Variants in CHD9 observed in about 807,000 individuals in gnomAD.
The protein encoded by CHD9 is chromodomain helicase DNA binding protein 9, also known as ATP-dependent chromatin remodeler CHD9.
In CHD9, 77 loss-of-function variants were observed where a neutral mutation model predicts 316.1. That is an observed-to-expected ratio of 0.24 (90% CI 0.20 to 0.29). The LOEUF (loss-of-function observed/expected upper bound fraction) is 0.29. Ranked by LOEUF, CHD9 falls within the 10% of genes least tolerant of loss-of-function variation. The probability of loss-of-function intolerance (pLI) is 1.00; values close to 1 mark genes in which losing one functional copy is unlikely to be tolerated. For synonymous variants in CHD9, 1,129 were observed against 1,158.3 expected, an observed-to-expected ratio of 0.97 and a Z score of 0.51; for missense variants, 2,763 against 3,438.1, an observed-to-expected ratio of 0.80 and a Z score of 4.91.
chr16:53,202,766 C>T (rs62048049), intron 2 of CHD9, among the ~76,000 whole-genome samples: 17,962 of 151,618 alleles, frequency 0.12, 1,562 homozygotes, highest in Non-Finnish European at 0.18. Context: ...AAGATTATGA[C>T]ACTTAAAAAA....
At chr16:53,130,797 CGCGGCTGGAGCCGCGGCAGGA>C (rs2039208289) in intron 1 of CHD9, 1 of 151,860 alleles carries the variant, frequency 6.6e-6, no homozygotes, top group Admixed American at 6.6e-5. Context: ...GGCAGCCCGA[CGCGGCTGGAGCCGCGGCAGGA>C]GCGGCGGCGG....
intron 2 of CHD9, among the ~76,000 whole-genome samples, chr16:53,178,885 C>T (rs1472565897): frequency 6.6e-6 from 1 of 152,158 alleles, no homozygotes; most frequent in African/African-American, 2.4e-5. Context: ...TACTGGCGCA[C>T]ACCTGTAGTC....
Position 53,291,745 on chromosome 16 carries a change from A to G in CHD9, c.5268A>G (p.Gly1756=), listed in dbSNP as rs1410089110. 3 of 1,564,868 alleles carry G rather than the reference A, an allele frequency of 1.9e-6. No individual in the cohort carries two copies. The highest frequency in any genetic ancestry group is 2.6e-6 in the Non-Finnish European group (3 of 1,162,390). ...AAAAGGATGATGTTTCCTCACCAGG[A>G]GATCTTGTTATAGCAGATGGAGGTA... The part of the protein sequence containing the change: ...DDIEDDVSSP[G]DLVIADGDGQ... Residue 1756 remains glycine (G), a synonymous_variant, in exon 28 of 39, where the codon GGA becomes GGG. Transcript: ENST00000447540.
chr16:53,202,977 C>T (rs2045587266), intron 2 of CHD9, among the ~76,000 whole-genome samples: 2 of 152,018 alleles, frequency 1.3e-5, no homozygotes, highest in Admixed American at 1.3e-4. Context: ...TTATAATTTG[C>T]TCTTGGATCA....
At chr16:53,233,905 T>G (rs1185465349) in intron 10 of CHD9, among the ~76,000 whole-genome samples, 1 of 152,208 alleles carries the variant, frequency 6.6e-6, no homozygotes, top group African/African-American at 2.4e-5. Flanking sequence ...GACCTTTTGC[T>G]TGTTTCTCAG....
intron 17 of CHD9, chr16:53,250,767 AATT>A (rs1307731080): frequency 1.3e-5 from 2 of 152,068 alleles, no homozygotes; most frequent in African/African-American, 4.8e-5. Context: ...ATATAAGAGA[AATT>A]ATTTTATTAT....
intron 1 of CHD9, among the ~76,000 whole-genome samples, chr16:53,123,882 T>A (rs2038857069): frequency 1.3e-5 from 2 of 152,208 alleles, no homozygotes; most frequent in Non-Finnish European, 1.5e-5. Flanking sequence ...CTGGCTTTTA[T>A]CACTTAGCAT....
chr16:53,215,832 C>T (rs2046714690), intron 3 of CHD9, among the ~76,000 whole-genome samples: 1 of 152,118 alleles, frequency 6.6e-6, no homozygotes, highest in Non-Finnish European at 1.5e-5. Context: ...GCATAAATTA[C>T]ATCTGAAAAT....
intron 24 of CHD9, among the ~76,000 whole-genome samples, chr16:53,278,582 T>A (rs908853980): frequency 1.8e-4 from 27 of 152,244 alleles, no homozygotes; most frequent in Non-Finnish European, 4.0e-4. Flanking sequence ...GATCCTCTTT[T>A]CTCACCTTAT....
At chr16:53,273,221 A>G (rs1461199253) in intron 22 of CHD9, among the ~76,000 whole-genome samples, 1 of 152,250 alleles carries the variant, frequency 6.6e-6, no homozygotes. Context: ...GAGTTTAGCT[A>G]TCTTGAAGAG....
intron 3 of CHD9, among the ~76,000 whole-genome samples, chr16:53,211,032 A>C (rs1019522527): frequency 6.6e-6 from 1 of 152,050 alleles, no homozygotes; most frequent in Non-Finnish European, 1.5e-5. Context: ...TAATTCAGGA[A>C]ATCCCATATT....
intron 2 of CHD9, among the ~76,000 whole-genome samples, chr16:53,196,966 G>A (rs932320382): frequency 6.6e-6 from 1 of 152,172 alleles, no homozygotes; most frequent in Non-Finnish European, 1.5e-5. Flanking sequence ...TCAAAGGTAG[G>A]TAGGCAAGAA....
chr16:53,269,519 C>T (rs2052024145), intron 22 of CHD9, among the ~76,000 whole-genome samples: 1 of 152,098 alleles, frequency 6.6e-6, no homozygotes, highest in Admixed American at 6.5e-5. Flanking sequence ...AGATGGAAAA[C>T]AACAGAAAGC....
chr16:53,262,806 GT>G (rs1264126295), intron 19 of CHD9, among the ~76,000 whole-genome samples, 180 bp from the exon 20 acceptor site: 1 of 152,170 alleles, frequency 6.6e-6, no homozygotes, highest in East Asian at 1.9e-4. Context: ...TTCAGCCTGT[GT>G]TTGCATTAAG....
At position 53,063,125 on chromosome 16, in the gene CHD9, C is replaced by A. The variant is rs943826457; in HGVS notation, c.-165+8048C>A. Among the ~76,000 whole-genome samples, 5 of 152,268 alleles carry A rather than the reference C, an allele frequency of 3.3e-5. No individual in the cohort carries two copies. In the East Asian group the frequency reaches 7.7e-4, roughly 23 times the overall value. ...ACTAAGTGCTGGATGCTCTTCTAAG[C>A]ACTTTCCATGCGTCATTCAAATCAT... On this transcript the variant is annotated intron_variant, in intron 1 of 38. Transcript: ENST00000447540.
At chr16:53,176,667 T>C (rs1349765990) in intron 2 of CHD9, among the ~76,000 whole-genome samples, 1 of 152,220 alleles carries the variant, frequency 6.6e-6, no homozygotes, top group Non-Finnish European at 1.5e-5. Context: ...CTCAGTTTCT[T>C]CTCACTTCTG....
At chr16:53,315,107 T>G in intron 36 of CHD9, 63 bp downstream of exon 36, 1 of 1,207,174 alleles carries the variant, frequency 8.3e-7, no homozygotes, top group Non-Finnish European at 1.2e-6. Context: ...TCTATCATGA[T>G]GAAGCATAAA....
chr16:53,285,819 A>G (rs1392260610), intron 25 of CHD9, 120 bp downstream of exon 25: 2 of 549,216 alleles, frequency 3.6e-6, no homozygotes, highest in Non-Finnish European at 6.3e-6. Context: ...ATATATACAG[A>G]ATTAAAAGCA....
chr16:53,203,443 G>A (rs2045618125), intron 2 of CHD9, among the ~76,000 whole-genome samples: 1 of 151,960 alleles, frequency 6.6e-6, no homozygotes, highest in South Asian at 2.1e-4. Context: ...TTGTTTTTGG[G>A]TTTCACCACT....
Sources: allele counts gnomAD v4.1 joint callset (sites outside exome capture counted in the v4.1 genomes callset), GRCh38; gene constraint gnomAD v4.1.1; transcripts MANE v1.5; gene names NCBI Gene and HGNC (gene_info 2026-07-23, HGNC 2026-07-21).